The following PARP4 variants were observed in gnomAD, a reference collection of about 807,000 sequenced individuals.
PARP4 encodes poly(ADP-ribose) polymerase family member 4, also known as protein mono-ADP-ribosyltransferase PARP4.
PARP4 carries 120 observed loss-of-function variants against 187.7 expected under a neutral mutation model. The observed-to-expected ratio is 0.64, with a 90% confidence interval of 0.55 to 0.74. PARP4 has a LOEUF of 0.74. Among genes scored for constraint, PARP4 ranks in the 30% least tolerant of loss-of-function variants. The pLI is 0.00. For synonymous variants in PARP4, 654 were observed against 740.9 expected, an observed-to-expected ratio of 0.88 and a Z score of 1.90; for missense variants, 1,836 against 2,070.5, an observed-to-expected ratio of 0.89 and a Z score of 2.20.
chr13:24,503,854 C>T (rs1869452738), intron 1 of PARP4, 77 bp from the exon 2 acceptor site: 9 of 1,311,936 alleles, frequency 6.9e-6, no homozygotes. Context: ...TACAAGCAAA[C>T]TGTGGGAAAA....
At chr13:24,423,507 G>T (rs1480838569) in intron 33 of PARP4, among the ~76,000 whole-genome samples, 1 of 148,822 alleles carries the variant, frequency 6.7e-6, no homozygotes, top group African/African-American at 2.5e-5. Flanking sequence ...CGCCAGCCTG[G>T]GTGACAGAAC....
Position 24,432,741 on chromosome 13 carries a change from T to C in PARP4, c.4747-1265A>G, listed in dbSNP as rs111863747. ...GTTTTTTCTAAGCATAAAATTGTTA[T>C]ATTAAACATGCACTTTAAAACTACC... On this transcript the variant is annotated intron_variant, in intron 31 of 33. Coordinates refer to ENST00000381989, the MANE Select transcript of PARP4 (RefSeq NM_006437.4). Among the ~76,000 whole-genome samples the C allele has an allele frequency of 6.0e-3, 908 of 151,938 alleles. 8 individuals carry two copies. The highest frequency in any genetic ancestry group is 0.021 in the African/African-American group (863 of 41,192).
At position 24,495,396 on chromosome 13, in the gene PARP4, G is replaced by A. The variant is rs567925154; in HGVS notation, c.592-674C>T. 2.0e-5 allele frequency among the ~76,000 whole-genome samples: 3 copies of A among 152,216 alleles called. No homozygotes were observed. The East Asian group carries it at 5.8e-4, about 29-fold the overall frequency. ...AAAAAAATCTGGAGGGGAAGGGGAAGAAAAGAAAAATACTTCAGAAAGGAA... is the reference window on the plus strand; with the variant it reads ...AAAAAAATCTGGAGGGGAAGGGGAAAAAAAGAAAAATACTTCAGAAAGGAA... On this transcript the variant is annotated intron_variant, in intron 6 of 33. Coordinates refer to ENST00000381989, the MANE Select transcript of PARP4 (RefSeq NM_006437.4).
At chr13:24,493,112 G>A (rs1409794624) in intron 8 of PARP4, among the ~76,000 whole-genome samples, 1 of 152,168 alleles carries the variant, frequency 6.6e-6, no homozygotes, top group East Asian at 1.9e-4. Context: ...TGTACCATTG[G>A]GGTATCTTCT....
intron 32 of PARP4, among the ~76,000 whole-genome samples, chr13:24,427,121 G>A (rs1301744249): frequency 6.6e-6 from 1 of 152,138 alleles, no homozygotes; most frequent in East Asian, 1.9e-4. Context: ...AAAGAGCCAT[G>A]AAGTTCACTA....
chr13:24,456,970 G>T (rs754339713), intron 20 of PARP4, among the ~76,000 whole-genome samples: 4 of 151,976 alleles, frequency 2.6e-5, no homozygotes, highest in Non-Finnish European at 5.9e-5. Context: ...AAGACCATGA[G>T]CATATCAGTC....
intron 12 of PARP4, among the ~76,000 whole-genome samples, chr13:24,480,628 A>G (rs9581070): frequency 1.3e-5 from 2 of 152,222 alleles, no homozygotes; most frequent in Non-Finnish European, 2.9e-5. Context: ...GAAAATGTTA[A>G]TGGTCTGGAT....
chr13:24,510,784 A>G (rs926242042), intron 1 of PARP4, among the ~76,000 whole-genome samples: 2 of 147,748 alleles, frequency 1.4e-5, no homozygotes, highest in African/African-American at 5.3e-5. Flanking sequence ...TAGTTGTGAA[A>G]TCAAAGTATA....
At chr13:24,429,718 T>C (rs1870237230) in intron 32 of PARP4, among the ~76,000 whole-genome samples, 1 of 152,198 alleles carries the variant, frequency 6.6e-6, no homozygotes, top group African/African-American at 2.4e-5. Context: ...TGTTGCTTTT[T>C]TCTGGATTCC....
intron 16 of PARP4, among the ~76,000 whole-genome samples, chr13:24,469,454 C>T (rs1872638395): frequency 6.6e-6 from 1 of 152,108 alleles, no homozygotes; most frequent in African/African-American, 2.4e-5. Flanking sequence ...CTAATCCTTA[C>T]AATAAACAAA....
chr13:24,505,651 C>T (rs1226597976), intron 1 of PARP4, among the ~76,000 whole-genome samples: 3 of 152,202 alleles, frequency 2.0e-5, no homozygotes, highest in Middle Eastern at 3.2e-3. Context: ...GCCTCAGCCT[C>T]CCGAGTAGCT....
chr13:24,435,157 G>A lies in PARP4; in HGVS notation c.3984C>T (p.Pro1328=), dbSNP rs1291078949. The change falls in exon 31 of 34, where the codon CCC becomes CCT. Residue 1328 remains proline, a synonymous_variant. Transcript: ENST00000381989. ...CAGGACTGTGAGCGCGGGCAGTCGG[G>A]GGAAGATAGGAACCAACGGCCGGAG... is the stretch of plus-strand genomic sequence containing the variant. ...ILAPAVGSYL[P]PTARAHSPAS... is the part of the protein sequence containing the mutation. 6.2e-7 allele frequency: 1 copy of A among 1,614,178 alleles called. No homozygotes were observed. The highest frequency in any genetic ancestry group is 1.1e-5 in the South Asian group (1 of 91,084).
intron 30 of PARP4, among the ~76,000 whole-genome samples, chr13:24,438,435 C>G (rs1159381695): frequency 6.6e-6 from 1 of 152,268 alleles, no homozygotes; most frequent in East Asian, 1.9e-4. Context: ...GTTGGGGACC[C>G]CTGATTTAAG....
In PARP4 at chr13:24,435,249, T is replaced by G. The variant is rs772674275; in HGVS notation, c.3892A>C (p.Thr1298Pro). 51 of 1,613,826 alleles carry G rather than the reference T, an allele frequency of 3.2e-5. No individual in the cohort carries two copies. The East Asian group carries it at 3.6e-4, about 11-fold the overall frequency. ...CTGACTTTCTTAAATAGTGGTTCAG[T>G]TGCTGTTGGTTTACATGACTCTGTC... ...SWTESCKPTA[T>P]EPLFKKVSPW... Residue 1298 changes from threonine to proline, a missense_variant, in exon 31 of 34, where the codon ACT becomes CCT. Physicochemically the swap from Thr to Pro is conservative, Grantham distance 38. Coordinates refer to ENST00000381989, the MANE Select transcript of PARP4 (RefSeq NM_006437.4).
chr13:24,457,944 A>T (rs1593611874), intron 20 of PARP4, among the ~76,000 whole-genome samples: 1 of 152,158 alleles, frequency 6.6e-6, no homozygotes, highest in Non-Finnish European at 1.5e-5. Context: ...ACCAGAGATA[A>T]AGAGAAGGTC....
At position 24,482,835 on chromosome 13, in the gene PARP4, A is replaced by G. The variant is rs371086742; in HGVS notation, c.1448+1818T>C. ...GTATGCCTGTATAAGGAATCATCTA[A>G]TAACTTTTCATCCACTAAGGTCCTA... is the stretch of plus-strand genomic sequence containing the variant. On this transcript the variant is annotated intron_variant, in intron 12 of 33. Coordinates refer to ENST00000381989, the MANE Select transcript of PARP4 (RefSeq NM_006437.4). 2.0e-4 allele frequency among the ~76,000 whole-genome samples: 30 copies of G among 152,272 alleles called. No homozygotes were observed. The South Asian group carries it at 6.2e-3, about 32-fold the overall frequency.
chr13:24,433,966 C>CA (rs1870473134), intron 31 of PARP4, among the ~76,000 whole-genome samples: 1 of 152,142 alleles, frequency 6.6e-6, no homozygotes, highest in Non-Finnish European at 1.5e-5. Context: ...TATCTGTATT[C>CA]CCATGACCTA....
At chr13:24,497,915 G>A (rs551315274) in intron 6 of PARP4, among the ~76,000 whole-genome samples, 1 of 152,234 alleles carries the variant, frequency 6.6e-6, no homozygotes, top group Non-Finnish European at 1.5e-5. Flanking sequence ...CAACCCTGCT[G>A]TACTTTGACC....
chr13:24,491,451 C>A (rs1292815298), intron 9 of PARP4, among the ~76,000 whole-genome samples: 1 of 152,174 alleles, frequency 6.6e-6, no homozygotes, highest in African/African-American at 2.4e-5. Flanking sequence ...TTAGGTAAAT[C>A]ATAGAATTTT....
Sources: allele counts gnomAD v4.1 joint callset (sites outside exome capture counted in the v4.1 genomes callset), GRCh38; gene constraint gnomAD v4.1.1; transcripts MANE v1.5; gene names NCBI Gene and HGNC (gene_info 2026-07-23, HGNC 2026-07-21).